The following PACRG variants were observed in gnomAD, a reference collection of about 807,000 sequenced individuals.
PACRG encodes parkin coregulated.
A neutral mutation model predicts 29.7 loss-of-function variants in PACRG; 29 were observed. That is an observed-to-expected ratio of 0.98 (90% CI 0.73 to 1.33). The LOEUF (loss-of-function observed/expected upper bound fraction) is 1.33. Among genes scored for constraint, PACRG ranks in the 40% most tolerant of loss-of-function variants. The probability of loss-of-function intolerance (pLI) is 0.00; values close to 1 mark genes in which losing one functional copy is unlikely to be tolerated. For synonymous variants in PACRG, 116 were observed against 118.7 expected (o/e 0.98, Z 0.15); for missense variants, 279 against 316.2 (o/e 0.88, Z 0.89).
At chr6:163,248,712 A>G (rs1782786895) in intron 4 of PACRG, among the ~76,000 whole-genome samples, 1 of 152,186 alleles carries the variant, frequency 6.6e-6, no homozygotes, top group Admixed American at 6.5e-5. Context: ...TGAGTAAGCA[A>G]TGACATGTGC....
intron 2 of PACRG, among the ~76,000 whole-genome samples, chr6:163,017,064 G>A (rs1024168927): frequency 2.6e-5 from 4 of 152,110 alleles, no homozygotes; most frequent in Non-Finnish European, 5.9e-5. Context: ...GGAGAGCTGT[G>A]TTCTTTCTTT....
At position 162,796,187 on chromosome 6, in the gene PACRG, C is replaced by T. The variant is rs561986998; in HGVS notation, c.157-17960C>T. ...TTAGTAGAAGTGTGTTGTATTTTCC[C>T]GCATGGTTCTGAGATTGGAGCTTTA... On this transcript the variant is annotated intron_variant, in intron 1 of 4. Transcript: ENST00000366888. Among the ~76,000 whole-genome samples the T allele has an allele frequency of 5.3e-5, 8 of 152,212 alleles. No homozygotes were observed. The South Asian group carries it at 8.3e-4, about 16-fold the overall frequency.
chr6:162,747,152 G>A (rs552451240), intron 1 of PACRG, among the ~76,000 whole-genome samples: 5 of 150,982 alleles, frequency 3.3e-5, no homozygotes, highest in Admixed American at 6.6e-5. Flanking sequence ...TGAGTGGCAC[G>A]GGTTAATCAG....
chr6:163,273,694 G>A (rs1209724199), intron 4 of PACRG, among the ~76,000 whole-genome samples: 1 of 151,768 alleles, frequency 6.6e-6, no homozygotes, highest in East Asian at 1.9e-4. Context: ...TTTCCTGTTT[G>A]CAAGTTCTCC....
intron 1 of PACRG, among the ~76,000 whole-genome samples, chr6:162,813,375 A>T (rs1247596612): frequency 6.6e-6 from 1 of 152,070 alleles, no homozygotes; most frequent in Non-Finnish European, 1.5e-5. Flanking sequence ...TTATTTTCTA[A>T]ATAGTTTACT....
At chr6:162,746,918 G>A (rs936999312) in intron 1 of PACRG, among the ~76,000 whole-genome samples, 22 of 152,140 alleles carry the variant, frequency 1.4e-4, no homozygotes, top group African/African-American at 5.3e-4. Flanking sequence ...TTTATGTGCA[G>A]AATTTGATTG....
intron 1 of PACRG, among the ~76,000 whole-genome samples, chr6:162,749,388 G>A (rs1781343397): frequency 6.6e-6 from 1 of 152,202 alleles, no homozygotes; most frequent in Non-Finnish European, 1.5e-5. Flanking sequence ...GCAATAACAA[G>A]AATATCCTTG....
intron 4 of PACRG, among the ~76,000 whole-genome samples, chr6:163,309,339 GGA>G (rs1374106227): frequency 1.3e-5 from 2 of 152,240 alleles, no homozygotes; most frequent in Non-Finnish European, 2.9e-5. Flanking sequence ...TTGGGTGCGT[GGA>G]GAGAGTCAGT....
chr6:163,212,518 T>G (rs533778489), intron 4 of PACRG, among the ~76,000 whole-genome samples: 1 of 152,174 alleles, frequency 6.6e-6, no homozygotes, highest in African/African-American at 2.4e-5. Flanking sequence ...AAAGGAGACA[T>G]GTGCAGGGGA....
At position 163,127,365 on chromosome 6, in the gene PACRG, G is replaced by A. The variant is rs1268989844; in HGVS notation, c.613+37957G>A. Among the ~76,000 whole-genome samples the A allele has an allele frequency of 2.0e-5, 3 of 152,332 alleles. No homozygotes were observed. In the East Asian group the frequency reaches 5.8e-4, roughly 29 times the overall value. ...CTTTTCATGCCACTTATGGAAAATA[G>A]CCTGTGCTTTTAATGGGTATTTTGT... On this transcript the variant is annotated intron_variant, in intron 4 of 4. Coordinates refer to ENST00000366888, the MANE Select transcript of PACRG (RefSeq NM_001080379.2).
At chr6:163,097,063 C>A (rs1359681937) in intron 4 of PACRG, among the ~76,000 whole-genome samples, 1 of 152,186 alleles carries the variant, frequency 6.6e-6, no homozygotes, top group African/African-American at 2.4e-5. Flanking sequence ...CACATCATTG[C>A]AAAGAAGGGC....
intron 4 of PACRG, among the ~76,000 whole-genome samples, chr6:163,278,856 T>C (rs1461092184): frequency 1.3e-5 from 2 of 152,230 alleles, no homozygotes; most frequent in Non-Finnish European, 2.9e-5. Context: ...TATTGTTTTT[T>C]CTACTTCTTT....
chr6:163,039,378 C>T lies in PACRG; in HGVS notation c.292-22772C>T, dbSNP rs551027953. Among the ~76,000 whole-genome samples the T allele has an allele frequency of 2.0e-5, 3 of 152,214 alleles. No individual in the cohort carries two copies. In the South Asian group the frequency reaches 6.2e-4, roughly 32 times the overall value. On this transcript the variant is annotated intron_variant, in intron 2 of 4. Coordinates refer to ENST00000366888, the MANE Select transcript of PACRG (RefSeq NM_001080379.2). ...AACAAACTAATACAGAAAATTGGTA[C>T]CAGCAGAGTGGGGTACTGCTATAAA...
rs1266179169 is a variant in PACRG at position 162,865,060 on chromosome 6, T to C, written c.291+50779T>C. On this transcript the variant is annotated intron_variant, in intron 2 of 4. Coordinates refer to ENST00000366888, the MANE Select transcript of PACRG (RefSeq NM_001080379.2). ...AGTGAATCTTTCACCAATTACTAAATGTTAACCGAACATTTGTGAACATGT... is the reference window on the plus strand; with the variant it reads ...AGTGAATCTTTCACCAATTACTAAACGTTAACCGAACATTTGTGAACATGT... Among the ~76,000 whole-genome samples, 5 of 152,176 alleles carry C rather than the reference T, an allele frequency of 3.3e-5. No homozygotes were observed. In the East Asian group the frequency reaches 9.6e-4, roughly 29 times the overall value.
chr6:162,949,939 G>A (rs1452035031), intron 2 of PACRG, among the ~76,000 whole-genome samples: 2 of 152,108 alleles, frequency 1.3e-5, no homozygotes, highest in East Asian at 3.9e-4. Context: ...TGAAAGACTG[G>A]CAAATGTCTC....
chr6:163,041,379 A>AG (rs1442636564), intron 2 of PACRG, among the ~76,000 whole-genome samples: 1 of 152,090 alleles, frequency 6.6e-6, no homozygotes, highest in Admixed American at 6.6e-5. Context: ...ACATCAAGGG[A>AG]GGGACCTGGT....
intron 2 of PACRG, chr6:163,042,708 A>C (rs945133541): frequency 6.6e-6 from 1 of 152,000 alleles, no homozygotes; most frequent in Non-Finnish European, 1.5e-5. Context: ...CTGTAAAAAA[A>C]AAAAAAAGAG....
intron 2 of PACRG, among the ~76,000 whole-genome samples, chr6:162,963,239 T>G (rs1436074652): frequency 6.6e-6 from 1 of 152,176 alleles, no homozygotes; most frequent in East Asian, 1.9e-4. Flanking sequence ...ATGTAGTTAT[T>G]AATGACTAAC....
intron 4 of PACRG, among the ~76,000 whole-genome samples, chr6:163,294,994 C>T (rs1784736557): frequency 6.6e-6 from 1 of 152,104 alleles, no homozygotes; most frequent in African/African-American, 2.4e-5. Flanking sequence ...AAAATGTGAG[C>T]AGTAACATTA....
Sources: allele counts gnomAD v4.1 joint callset (sites outside exome capture counted in the v4.1 genomes callset), GRCh38; gene constraint gnomAD v4.1.1; transcripts MANE v1.5; gene names NCBI Gene and HGNC (gene_info 2026-07-23, HGNC 2026-07-21).